The following SP110 variants were observed in gnomAD, a reference collection of about 807,000 sequenced individuals.
SP110 encodes SP110 nuclear body protein.
In SP110, 62 loss-of-function variants were observed where a neutral mutation model predicts 92.7. That is an observed-to-expected ratio of 0.67 (90% confidence interval 0.55 to 0.83). SP110 has a LOEUF of 0.83. Ranked by LOEUF, SP110 falls within the 40% of genes least tolerant of loss-of-function variation. The probability of loss-of-function intolerance (pLI) is 0.00; values close to 1 mark genes in which losing one functional copy is unlikely to be tolerated. For missense variants in SP110, 793 were observed against 863.9 expected, an observed-to-expected ratio of 0.92 and a Z score of 1.03; for synonymous variants, 273 against 305.3, an observed-to-expected ratio of 0.89 and a Z score of 1.10.
upstream of SP110, among the ~76,000 whole-genome samples, chr2:230,223,733 A>G (rs1192907035): frequency 6.6e-6 from 1 of 152,226 alleles, no homozygotes; most frequent in Non-Finnish European, 1.5e-5. Context: ...TAAGTTGGCA[A>G]ATTAAATTAC....
chr2:230,221,281 GA>G (rs113981247), upstream of SP110, among the ~76,000 whole-genome samples: 1,703 of 82,614 alleles, frequency 0.021, 21 homozygotes, highest in African/African-American at 0.056. Flanking sequence ...ACTCCATCTC[GA>G]AAAAAAAAAA....
intron 1 of SP110, among the ~76,000 whole-genome samples, chr2:230,217,885 G>A (rs13392074): frequency 0.013 from 2,000 of 152,262 alleles, 42 homozygotes; most frequent in African/African-American, 0.045. Context: ...AAACTTTAAC[G>A]AACCACTCCC....
chr2:230,165,823 T>G lies in SP110; in HGVS notation c.*3301A>C, dbSNP rs537910348. Among the ~76,000 whole-genome samples, 12 of 149,858 alleles carry G rather than the reference T, an allele frequency of 8.0e-5. No individual in the cohort carries two copies. The East Asian group carries it at 1.8e-3, about 22-fold the overall frequency. ...AAAATAGAAGGCAGAAGAAAAAAAA[T>G]AGACAAAAATAACATTAAAACATTA... On this transcript the variant is annotated 3_prime_UTR_variant, in exon 19 of 19. Coordinates refer to ENST00000258381, the MANE Select transcript of SP110 (RefSeq NM_080424.4).
At chr2:230,219,123 G>C (rs896001235) in intron 1 of SP110, among the ~76,000 whole-genome samples, 6 of 152,326 alleles carry the variant, frequency 3.9e-5, no homozygotes, top group Middle Eastern at 3.4e-3. Context: ...TACTCAGGAG[G>C]CTGAGGCAGG....
At chr2:230,189,249 A>G (rs6755998) in intron 10 of SP110, among the ~76,000 whole-genome samples, 109,429 of 151,696 alleles carry the variant, frequency 0.72, 40,075 homozygotes, top group Admixed American at 0.81. Flanking sequence ...GGGTTTCTCT[A>G]GTTCCTTGAG....
At chr2:230,176,526 T>G in intron 14 of SP110, 1 of 1,576,632 alleles carries the variant, frequency 6.3e-7, no homozygotes, top group South Asian at 1.2e-5. Flanking sequence ...CCATCCCAAA[T>G]TAACTATGCA....
chr2:230,220,563 G>A (rs966475676), upstream of SP110, among the ~76,000 whole-genome samples: 1 of 152,184 alleles, frequency 6.6e-6, no homozygotes, highest in Non-Finnish European at 1.5e-5. Flanking sequence ...CTGAGAGCTG[G>A]GCAGGTAGTT....
rs765229595 is a variant in SP110 at position 230,211,496 on chromosome 2, G to A, written c.725C>T (p.Pro242Leu). ...TGGCATAGAGCCCAAGGGAGAGTGG[G>A]GCATCTCTTGAGGGTCTTCTTTATC... is the stretch of plus-strand genomic sequence containing the variant. ...IRDKEDPQEM[P>L]HSPLGSMPEI... is the part of the protein sequence containing the mutation. The change falls in exon 6 of 19, where the codon CCC becomes CTC. Residue 242 changes from proline to leucine, a missense_variant. Physicochemically the swap from Pro to Leu is moderately conservative, Grantham distance 98. Coordinates refer to ENST00000258381, the MANE Select transcript of SP110 (RefSeq NM_080424.4). The surrounding 1 kb of genome is among the most constrained non-coding windows in gnomAD (Gnocchi z 4.2). 4.4e-6 allele frequency: 7 copies of A among 1,609,012 alleles called. No homozygotes were observed. The highest frequency in any genetic ancestry group is 4.5e-5 in the East Asian group (2 of 44,854).
At chr2:230,214,624 C>T (rs1474962077) in intron 3 of SP110, among the ~76,000 whole-genome samples, 1 of 152,226 alleles carries the variant, frequency 6.6e-6, no homozygotes, top group Non-Finnish European at 1.5e-5. Flanking sequence ...CTTGTCCTTC[C>T]ACCAGACCTG....
chr2:230,221,883 AT>A (rs2045848894), upstream of SP110: 1 of 690,994 alleles, frequency 1.4e-6, no homozygotes, highest in Admixed American at 2.5e-5. Context: ...AAATTGTTAC[AT>A]GAAAAAAAGA....
chr2:230,202,434 G>C, intron 9 of SP110, 145 bp downstream of exon 9: 1 of 734,938 alleles, frequency 1.4e-6, no homozygotes, highest in East Asian at 2.7e-5. Context: ...TGCTCTCTTT[G>C]TTCCTCTTGT....
chr2:230,190,053 C>T (rs1181310296), intron 10 of SP110, among the ~76,000 whole-genome samples: 1 of 152,130 alleles, frequency 6.6e-6, no homozygotes, highest in Non-Finnish European at 1.5e-5. Flanking sequence ...ATTTATATTC[C>T]TTTGGATATA....
chr2:230,215,277 G>A (rs1055798282), intron 2 of SP110, among the ~76,000 whole-genome samples, 159 bp from the exon 3 acceptor site: 12 of 152,264 alleles, frequency 7.9e-5, no homozygotes, highest in Admixed American at 1.3e-4. Context: ...AGCGGTCACA[G>A]TTTTACATGC....
At chr2:230,169,484 T>A (rs912005679) in intron 18 of SP110, among the ~76,000 whole-genome samples, 3 of 149,918 alleles carry the variant, frequency 2.0e-5, no homozygotes, top group African/African-American at 7.4e-5. Flanking sequence ...TTTAAAACAT[T>A]TTTTTCTCTT....
intron 10 of SP110, among the ~76,000 whole-genome samples, chr2:230,193,407 C>T (rs913869339): frequency 6.6e-6 from 1 of 152,138 alleles, no homozygotes; most frequent in Non-Finnish European, 1.5e-5. Context: ...TAATTGTTAC[C>T]TACATACGTT....
chr2:230,221,848 A>G (rs1243541878), upstream of SP110: 1 of 926,452 alleles, frequency 1.1e-6, no homozygotes, highest in Non-Finnish European at 1.7e-6. Flanking sequence ...GAGTGGGAAA[A>G]TAAAGTCAAT....
chr2:230,177,648 C>T lies in SP110; in HGVS notation c.1480G>A (p.Gly494Arg), dbSNP rs777078204. ...SSVKCIRNEDGTWLTPNEFEV... is the reference protein window; with the variant it reads ...SSVKCIRNEDRTWLTPNEFEV... The stretch of plus-strand genomic sequence containing the variant: ...AATTCATTTGGTGTTAACCAAGTTC[C>T]ATCCTCATTCCGAATGCACTTCACT... The change falls in exon 14 of 19, where the codon GGA (glycine) becomes AGA (arginine). Residue 494 changes from glycine to arginine, a missense_variant. By Grantham distance (125) the Gly-to-Arg change is moderately radical (BLOSUM62 -2). Transcript: ENST00000258381. 4.3e-6 allele frequency: 7 copies of T among 1,614,018 alleles called. No homozygotes were observed. In the African/African-American group the frequency reaches 9.3e-5, roughly 22 times the overall value.
rs780961057 is a variant in SP110 at position 230,170,722 on chromosome 2, A to G, written c.1927T>C (p.Leu643=). 3 of 1,614,062 alleles carry G rather than the reference A, an allele frequency of 1.9e-6. No homozygotes were observed. In the Admixed American group the frequency reaches 5.0e-5, roughly 27 times the overall value. Residue 643 remains leucine (L), a synonymous_variant, in exon 18 of 19, where the codon TTG becomes CTG. Coordinates refer to ENST00000258381, the MANE Select transcript of SP110 (RefSeq NM_080424.4). ...YGEPFQEAMW[L]DLVKERLITE... ...ATCAGCCTTTCCTTAACCAGGTCCA[A>G]CCACATTGCTTCCTGAAAGGGCTCA...
chr2:230,178,662 A>G (rs1044157067), intron 12 of SP110, among the ~76,000 whole-genome samples: 1 of 152,184 alleles, frequency 6.6e-6, no homozygotes, highest in Non-Finnish European at 1.5e-5. Context: ...TCCTGACTTA[A>G]ATGAAGACTT....
Sources: allele counts gnomAD v4.1 joint callset (sites outside exome capture counted in the v4.1 genomes callset), GRCh38; gene constraint gnomAD v4.1.1; non-coding constraint Gnocchi (gnomAD v3.1); transcripts MANE v1.5; gene names NCBI Gene and HGNC (gene_info 2026-07-23, HGNC 2026-07-21).